HIP1: variants seen among roughly 807,000 people sequenced by gnomAD.
The protein encoded by HIP1 is huntingtin-interacting protein 1.
In HIP1, 65 loss-of-function variants were observed where a neutral mutation model predicts 147.6. The ratio of observed to expected loss-of-function variants is 0.44; its 90% CI spans 0.36 to 0.54. The LOEUF (loss-of-function observed/expected upper bound fraction) is 0.54, where lower values mean the gene tolerates loss of function less well. Ranked by LOEUF, HIP1 falls within the 20% of genes least tolerant of loss-of-function variation. The pLI is 0.00. For missense variants in HIP1, 1,061 were observed against 1,299.6 expected (o/e 0.82, Z 2.82); for synonymous variants, 479 against 504.0 (o/e 0.95, Z 0.67).
At chr7:75,693,919 C>CTTTT (rs10628011) in intron 1 of HIP1, among the ~76,000 whole-genome samples, 49,583 of 114,186 alleles carry the variant, frequency 0.43, 11,386 homozygotes, top group African/African-American at 0.46. Context: ...ATTCTCTTTT[C>CTTTT]TTTTTTTTTT....
chr7:75,608,958 G>C (rs985154216), intron 1 of HIP1, among the ~76,000 whole-genome samples: 2 of 152,184 alleles, frequency 1.3e-5, no homozygotes, highest in Non-Finnish European at 2.9e-5. Flanking sequence ...ATGACCCTCT[G>C]TTCTCCTGAA....
chr7:75,735,422 C>A (rs764992388), intron 1 of HIP1, among the ~76,000 whole-genome samples: 6 of 152,168 alleles, frequency 3.9e-5, no homozygotes, highest in Non-Finnish European at 7.3e-5. Context: ...AAAGGTAATA[C>A]AATGATGTCC....
chr7:75,649,379 TTGAGTGAAC>T (rs1798902887), intron 1 of HIP1, among the ~76,000 whole-genome samples: 1 of 152,164 alleles, frequency 6.6e-6, no homozygotes, highest in Non-Finnish European at 1.5e-5. Context: ...TCCTCGCCCT[TTGAGTGAAC>T]CTAAATTACT....
At chr7:75,716,521 CTT>C (rs782680080) in intron 1 of HIP1, among the ~76,000 whole-genome samples, 130 of 130,584 alleles carry the variant, frequency 1.0e-3, no homozygotes, top group African/African-American at 3.4e-3. Context: ...CGTGCCTGGA[CTT>C]TTTTTTTTTT....
intron 1 of HIP1, among the ~76,000 whole-genome samples, chr7:75,616,621 G>A (rs1160986747): frequency 1.0e-5 from 1 of 98,872 alleles, no homozygotes; most frequent in African/African-American, 2.8e-5. Flanking sequence ...AGGAAGAGGA[G>A]GAGGACGAGG....
rs1229646147 is a variant in HIP1 at position 75,547,894 on chromosome 7, A to G, written c.2407-81T>C. On this transcript the variant is annotated intron_variant, in intron 23 of 30. Coordinates refer to ENST00000336926, the MANE Select transcript of HIP1 (RefSeq NM_005338.7). ...TGTCTTACTATACTTTCAGTCCAAC[A>G]TCGTGTGGTAGCTGGGAAACCTGAA... 5.5e-6 allele frequency: 7 copies of G among 1,265,146 alleles called. No individual in the cohort carries two copies. The African/African-American group carries it at 8.8e-5, about 16-fold the overall frequency. The allele number at this position is 1,265,146 out of a possible 1,614,324, so 78.4% of individuals were successfully genotyped here.
chr7:75,563,888 T>TTCTC (rs1359530992), intron 9 of HIP1, among the ~76,000 whole-genome samples: 1 of 151,734 alleles, frequency 6.6e-6, no homozygotes, highest in East Asian at 1.9e-4. Flanking sequence ...AATATTTTTT[T>TTCTC]TCTCTCTCTC....
At chr7:75,720,426 G>T (rs1251000281) in intron 1 of HIP1, among the ~76,000 whole-genome samples, 1 of 152,154 alleles carries the variant, frequency 6.6e-6, no homozygotes, top group Non-Finnish European at 1.5e-5. Flanking sequence ...CTCCCAAAGT[G>T]CTGGGATTAC....
At position 75,613,622 on chromosome 7, in the gene HIP1, G is replaced by A. The variant is rs587773135; in HGVS notation, c.121-14375C>T. On this transcript the variant is annotated intron_variant, in intron 1 of 30. Coordinates refer to ENST00000336926, the MANE Select transcript of HIP1 (RefSeq NM_005338.7). ...TACTTGCAAGTAGTACAGCCAGCAAGAAGTGGAGCCAGAATTCAAACCCAG... is the reference window on the plus strand; with the variant it reads ...TACTTGCAAGTAGTACAGCCAGCAAAAAGTGGAGCCAGAATTCAAACCCAG... Among the ~76,000 whole-genome samples, 10 of 152,242 alleles carry A rather than the reference G, an allele frequency of 6.6e-5. No individual in the cohort carries two copies. In the South Asian group the frequency reaches 1.5e-3, roughly 22 times the overall value.
chr7:75,687,753 C>T (rs190848543), intron 1 of HIP1, among the ~76,000 whole-genome samples: 6 of 152,284 alleles, frequency 3.9e-5, no homozygotes, highest in Admixed American at 3.9e-4. Context: ...GTCTCTCCAC[C>T]TTTAAAGTCT....
chr7:75,637,720 A>C (rs115638092), intron 1 of HIP1, among the ~76,000 whole-genome samples: 2,371 of 151,656 alleles, frequency 0.016, 67 homozygotes, highest in African/African-American at 0.047. Flanking sequence ...AAGCCCCTCA[A>C]GCAGCCCCCA....
intron 1 of HIP1, among the ~76,000 whole-genome samples, chr7:75,672,433 C>T (rs1554515432): frequency 6.6e-6 from 1 of 151,804 alleles, no homozygotes; most frequent in South Asian, 2.1e-4. Context: ...ATCAAGTGAT[C>T]CTCCCACTGC....
At chr7:75,552,973 C>T (rs587626137) in intron 22 of HIP1, among the ~76,000 whole-genome samples, 1 of 150,624 alleles carries the variant, frequency 6.6e-6, no homozygotes, top group African/African-American at 2.4e-5. Context: ...AGATCTCACT[C>T]TTATGCCCAG....
chr7:75,556,687 A>C, intron 17 of HIP1, 23 bp downstream of exon 17: 2 of 588,484 alleles, frequency 3.4e-6, no homozygotes, highest in Non-Finnish European at 5.0e-6. Flanking sequence ...CTCTATCTCC[A>C]AAAAAAAAAA....
chr7:75,541,021 T>C (rs1347485186), intron 29 of HIP1, among the ~76,000 whole-genome samples: 5 of 151,880 alleles, frequency 3.3e-5, no homozygotes, highest in Non-Finnish European at 2.9e-5. Flanking sequence ...TCCCAGCCCT[T>C]TGGGAGGCTG....
intron 14 of HIP1, 85 bp downstream of exon 14, chr7:75,559,647 C>A (rs928404484): frequency 9.0e-6 from 10 of 1,107,288 alleles, no homozygotes; most frequent in Middle Eastern, 3.1e-4. Flanking sequence ...CCCCACCCAG[C>A]CTCTGTGCCG....
intron 1 of HIP1, among the ~76,000 whole-genome samples, chr7:75,686,735 C>T (rs1352167947): frequency 2.0e-5 from 3 of 151,918 alleles, no homozygotes; most frequent in African/African-American, 7.3e-5. Flanking sequence ...AATCCTGGCT[C>T]ACTGCAGCCT....
In HIP1 at chr7:75,537,214, C is replaced by G. The variant is rs1584763861; in HGVS notation, c.*958G>C. The G allele has an allele frequency of 4.3e-6, 1 of 233,160 alleles. No individual in the cohort carries two copies. Among genetic ancestry groups the G allele is most frequent in the East Asian group, 6.1e-5 (1 of 16,504 alleles). The allele number at this position is 233,160 out of a possible 1,614,324, so 14.4% of individuals were successfully genotyped here. ...ACGGGAACTGGGCTGTGTGAACCCT[C>G]TTGTCCCTCTTTCTGTTGTCTTCTC... On this transcript the variant is annotated 3_prime_UTR_variant, in exon 31 of 31. Transcript: ENST00000336926.
intron 5 of HIP1, among the ~76,000 whole-genome samples, chr7:75,583,983 C>T (rs782750510): frequency 5.3e-5 from 8 of 150,342 alleles, no homozygotes; most frequent in Non-Finnish European, 8.9e-5. Flanking sequence ...GTTTTCGAGA[C>T]GGAGTCTCAC....
Sources: allele counts gnomAD v4.1 joint callset (sites outside exome capture counted in the v4.1 genomes callset), GRCh38; gene constraint gnomAD v4.1.1; transcripts MANE v1.5; gene names NCBI Gene and HGNC (gene_info 2026-07-23, HGNC 2026-07-21).